The following NRG4 variants were observed in gnomAD, a reference collection of about 807,000 sequenced individuals.
NRG4 encodes pro-neuregulin-4, membrane-bound isoform.
Under a neutral mutation model 15.0 loss-of-function variants are expected in NRG4, and 10 were observed. The observed-to-expected ratio is 0.67, with a 90% confidence interval of 0.41 to 1.13. The LOEUF (loss-of-function observed/expected upper bound fraction) is 1.13. Ranked by LOEUF, NRG4 falls within the 50% of genes most tolerant of loss-of-function variation. The probability of loss-of-function intolerance (pLI) is 0.00; values close to 1 mark genes in which losing one functional copy is unlikely to be tolerated. For missense variants in NRG4, 139 were observed against 140.2 expected (o/e 0.99, Z 0.04); for synonymous variants, 41 against 50.1 (o/e 0.82, Z 0.77).
intron 4 of NRG4, among the ~76,000 whole-genome samples, chr15:75,961,465 C>T (rs894318484): frequency 2.6e-5 from 4 of 152,138 alleles, no homozygotes; most frequent in African/African-American, 9.7e-5. Flanking sequence ...AACCATATGT[C>T]TTAAGCTAAC....
intron 5 of NRG4, among the ~76,000 whole-genome samples, chr15:76,022,322 G>A (rs76630177): frequency 0.035 from 5,264 of 152,224 alleles, 103 homozygotes; most frequent in Middle Eastern, 0.061. Flanking sequence ...GCACAAAAAT[G>A]TTTTAGGCTG....
chr15:75,943,207 A>G lies in NRG4; in HGVS notation c.*431T>C, dbSNP rs1455561109. On this transcript the variant is annotated 3_prime_UTR_variant, in exon 6 of 6. Coordinates refer to ENST00000394907, the MANE Select transcript of NRG4 (RefSeq NM_138573.4). ...ATGTCTTCTCAGTTTTTTCATCAGT[A>G]CTTGCAGCTTCTCAGATAACAGCAG... 1 of 159,214 alleles carries G rather than the reference A, an allele frequency of 6.3e-6. No individual in the cohort carries two copies. Among genetic ancestry groups the G allele is most frequent in the African/African-American group, 2.4e-5 (1 of 41,732 alleles). The allele number at this position is 159,214 out of a possible 1,614,324, so 9.9% of individuals were successfully genotyped here. A position where few individuals can be genotyped will look rare whatever the true frequency, so the allele number is the denominator to read the frequency against.
chr15:76,022,370 G>A (rs1237010206), intron 5 of NRG4, among the ~76,000 whole-genome samples: 3 of 151,840 alleles, frequency 2.0e-5, no homozygotes, highest in Non-Finnish European at 4.4e-5. Context: ...ACAAATGACA[G>A]TTTCATGTGA....
chr15:75,966,625 G>A (rs1170398744), intron 3 of NRG4, among the ~76,000 whole-genome samples: 1 of 152,180 alleles, frequency 6.6e-6, no homozygotes, highest in Non-Finnish European at 1.5e-5. Flanking sequence ...ACCAAAGGGA[G>A]ATGCAATGTC....
intron 5 of NRG4, among the ~76,000 whole-genome samples, chr15:76,027,301 C>T (rs2035340932): frequency 6.6e-6 from 1 of 151,452 alleles, no homozygotes; most frequent in South Asian, 2.1e-4. Flanking sequence ...GATTTCAAGT[C>T]AAAAGCTGTA....
At chr15:75,967,984 T>G (rs2032899276) in intron 3 of NRG4, among the ~76,000 whole-genome samples, 1 of 152,204 alleles carries the variant, frequency 6.6e-6, no homozygotes, top group Admixed American at 6.5e-5. Flanking sequence ...TTTTATTTAC[T>G]AAAACTAGCT....
chr15:76,030,843 A>G (rs553458397), intron 5 of NRG4, among the ~76,000 whole-genome samples: 1 of 152,218 alleles, frequency 6.6e-6, no homozygotes. Flanking sequence ...ATTATACACA[A>G]TCTTTTAGAT....
At chr15:76,006,595 G>C (rs1442168481) in intron 3 of NRG4, among the ~76,000 whole-genome samples, 1 of 152,110 alleles carries the variant, frequency 6.6e-6, no homozygotes, top group Non-Finnish European at 1.5e-5. Context: ...CCAAGCCACA[G>C]AGCCTCCTGC....
At chr15:75,936,942 CAG>C (rs2030400994), downstream of NRG4, 1 of 152,088 alleles carries the variant, frequency 6.6e-6, no homozygotes, top group Non-Finnish European at 1.5e-5. Flanking sequence ...CCAGTAAAAA[CAG>C]GGAAGATTGA....
intron 3 of NRG4, among the ~76,000 whole-genome samples, chr15:75,974,978 G>T (rs2033299067): frequency 1.3e-5 from 2 of 152,034 alleles, no homozygotes; most frequent in South Asian, 4.2e-4. Flanking sequence ...TTATTGTGTG[G>T]GAGTCTAAGT....
Position 76,038,298 on chromosome 15 carries a change from A to T in NRG4, c.-104-2307T>A, listed in dbSNP as rs145044011. Among the ~76,000 whole-genome samples, 116 of 152,170 alleles carry T rather than the reference A, an allele frequency of 7.6e-4. 2 individuals carry two copies. In the East Asian group the frequency reaches 0.021, roughly 28 times the overall value. The stretch of plus-strand genomic sequence containing the variant: ...TCTACCACAACGTGGTATAGCACCA[A>T]TCAAGCTCTTGGGGTCCCTGATTCC... On this transcript the variant is annotated intron_variant, in intron 4 of 8. Transcript: ENST00000563910.
chr15:75,993,683 G>A (rs1385579593), intron 3 of NRG4, among the ~76,000 whole-genome samples: 5 of 150,540 alleles, frequency 3.3e-5, no homozygotes, highest in African/African-American at 1.2e-4. Context: ...GGGTGACAGA[G>A]TGAGACTCAC....
intron 2 of NRG4, among the ~76,000 whole-genome samples, chr15:76,055,324 A>T (rs529602949): frequency 7.9e-5 from 12 of 152,294 alleles, no homozygotes; most frequent in African/African-American, 2.9e-4. Flanking sequence ...AAACAAAAAT[A>T]TTATACCTTA....
At chr15:75,968,381 A>G (rs1231702827) in intron 3 of NRG4, among the ~76,000 whole-genome samples, 2 of 152,066 alleles carry the variant, frequency 1.3e-5, no homozygotes, top group Non-Finnish European at 2.9e-5. Context: ...TCAGGTCAGG[A>G]GTTCGAGACC....
chr15:76,039,319 A>G (rs951409660), intron 4 of NRG4, among the ~76,000 whole-genome samples: 1 of 152,214 alleles, frequency 6.6e-6, no homozygotes, highest in Admixed American at 6.5e-5. Flanking sequence ...GATCTTTCAG[A>G]CAGAGAATTC....
chr15:76,012,119 C>T (rs746783281), intron 1 of NRG4, 200 bp downstream of exon 1: 2 of 152,042 alleles, frequency 1.3e-5, no homozygotes, highest in South Asian at 2.1e-4. Flanking sequence ...AGTTGTAATA[C>T]CAAGGTCTTC....
intron 3 of NRG4, among the ~76,000 whole-genome samples, chr15:75,989,229 T>C (rs536879334): frequency 1.3e-5 from 2 of 152,322 alleles, no homozygotes; most frequent in African/African-American, 2.4e-5. Context: ...TTTGGACTTA[T>C]GCAAAGAATG....
chr15:76,058,673 T>C (rs1267949083), intron 1 of NRG4, among the ~76,000 whole-genome samples: 1 of 152,234 alleles, frequency 6.6e-6, no homozygotes, highest in East Asian at 1.9e-4. Context: ...CAAACCTATC[T>C]GCAGAGCCAA....
chr15:76,017,155 C>CTA (rs2035002521), upstream of NRG4, among the ~76,000 whole-genome samples: 1 of 52,302 alleles, frequency 1.9e-5, no homozygotes, highest in African/African-American at 5.5e-5. Flanking sequence ...CAACCCCTGC[C>CTA]TTTTTTTTTT....
Sources: gnomAD v4.1 joint callset for allele counts (sites outside exome capture counted in the v4.1 genomes callset) on GRCh38, gnomAD v4.1.1 for gene constraint, MANE v1.5 for transcripts, NCBI Gene and HGNC (gene_info 2026-07-23, HGNC 2026-07-21) for gene names.